ANKRD12: variants seen among roughly 807,000 people sequenced by gnomAD.
The protein encoded by ANKRD12 is ankyrin repeat domain 12, also known as ankyrin repeat domain-containing protein 12.
ANKRD12 carries 85 observed loss-of-function variants against 183.4 expected under a neutral mutation model. The observed-to-expected ratio is 0.46, with a 90% CI of 0.39 to 0.56. ANKRD12 has a LOEUF of 0.56. Among genes scored for constraint, ANKRD12 ranks in the 20% least tolerant of loss-of-function variants. The probability of loss-of-function intolerance (pLI) is 0.00; values close to 1 mark genes in which losing one functional copy is unlikely to be tolerated. For synonymous variants in ANKRD12, 914 were observed against 800.2 expected, an observed-to-expected ratio of 1.14 and a Z score of -2.40; for missense variants, 2,405 against 2,357.1, an observed-to-expected ratio of 1.02 and a Z score of -0.42.
intron 10 of ANKRD12, among the ~76,000 whole-genome samples, chr18:9,273,095 A>G (rs2039682733): frequency 6.6e-6 from 1 of 152,190 alleles, no homozygotes; most frequent in Non-Finnish European, 1.5e-5. Flanking sequence ...TTACTTCTCC[A>G]TGAAGTTCTA....
chr18:9,241,310 G>T (rs2037648557), intron 8 of ANKRD12, among the ~76,000 whole-genome samples: 1 of 152,218 alleles, frequency 6.6e-6, no homozygotes, highest in East Asian at 1.9e-4. Flanking sequence ...TATAATAAAA[G>T]ATTTTTCATT....
chr18:9,278,483 TGAA>T (rs1472372237), intron 11 of ANKRD12, among the ~76,000 whole-genome samples: 1 of 152,166 alleles, frequency 6.6e-6, no homozygotes, highest in Non-Finnish European at 1.5e-5. Flanking sequence ...GGGGCACCAA[TGAA>T]GAAATTATAA....
At chr18:9,261,691 G>T (rs769849242) in intron 9 of ANKRD12, among the ~76,000 whole-genome samples, 1 of 152,154 alleles carries the variant, frequency 6.6e-6, no homozygotes, top group Non-Finnish European at 1.5e-5. Flanking sequence ...ACCTAGAGTT[G>T]TCTGCAGATA....
Position 9,182,342 on chromosome 18 carries a change from A to G in ANKRD12, c.-51-40A>G, listed in dbSNP as rs1302266232. The G allele has an allele frequency of 5.2e-5, 13 of 252,310 alleles. No homozygotes were observed. The Admixed American group carries it at 8.7e-4, about 17-fold the overall frequency. 15.6% of individuals were successfully genotyped at this position (252,310 alleles called of 1,614,324 possible). A position where few individuals can be genotyped will look rare whatever the true frequency, so the allele number is the denominator to read the frequency against. ...CTAATTGTGGTGCGTAACCTATTGT[A>G]TATATATTCAAATAACCCTTATATA... On this transcript the variant is annotated intron_variant, in intron 1 of 12. Transcript: ENST00000262126.
intron 10 of ANKRD12, among the ~76,000 whole-genome samples, chr18:9,268,737 C>T (rs1047302341): frequency 6.6e-6 from 1 of 152,192 alleles, no homozygotes; most frequent in Non-Finnish European, 1.5e-5. Flanking sequence ...TCTCTCACCA[C>T]TCCTGTTCAA....
intron 8 of ANKRD12, among the ~76,000 whole-genome samples, chr18:9,252,493 A>G (rs552814562): frequency 6.6e-6 from 1 of 152,252 alleles, no homozygotes; most frequent in Non-Finnish European, 1.5e-5. Flanking sequence ...GTGTCAGGAT[A>G]ACTTATTTAT....
chr18:9,226,057 ATATAATG>A (rs2036688928), intron 8 of ANKRD12, among the ~76,000 whole-genome samples: 1 of 152,142 alleles, frequency 6.6e-6, no homozygotes, highest in African/African-American at 2.4e-5. Context: ...TAATTCTTAA[ATATAATG>A]TATATATGAG....
Position 9,281,050 on chromosome 18 carries a change from T to C in ANKRD12, c.6113T>C (p.Ile2038Thr). The C allele has an allele frequency of 1.9e-6, 3 of 1,614,126 alleles. No individual in the cohort carries two copies. Among genetic ancestry groups the C allele is most frequent in the Non-Finnish European group, 2.5e-6 (3 of 1,180,014 alleles). ...CTTGATCCTGCCACCTATAAATCTA[T>C]CAGCATTTACGAAATCCAGGAGTTT... Reference protein sequence around the residue: ...QELDPATYKSISIYEIQEFYV... With the variant: ...QELDPATYKSTSIYEIQEFYV... The change falls in exon 13 of 13, where the codon ATC (isoleucine) becomes ACC (threonine). Residue 2038 changes from isoleucine (I) to threonine (T), a missense_variant. Physicochemically the swap from Ile to Thr is moderately conservative, Grantham distance 89. Transcript: ENST00000262126.
chr18:9,153,231 T>C (rs1428186812), intron 1 of ANKRD12, among the ~76,000 whole-genome samples: 1 of 152,234 alleles, frequency 6.6e-6, no homozygotes, highest in Non-Finnish European at 1.5e-5. Flanking sequence ...TCTGAAAATA[T>C]TTTTCGTTAA....
intron 10 of ANKRD12, 43 bp from the exon 11 acceptor site, chr18:9,275,481 T>C (rs750457123): frequency 6.3e-7 from 1 of 1,580,592 alleles, no homozygotes; most frequent in South Asian, 1.1e-5. Context: ...TAAACAAAAA[T>C]TTGTTGAAGA....
At chr18:9,208,900 A>C in intron 5 of ANKRD12, 97 bp downstream of exon 5, 1 of 1,202,046 alleles carries the variant, frequency 8.3e-7, no homozygotes, top group Non-Finnish European at 1.1e-6. Context: ...TTTAATTTTT[A>C]TTCTTTCTTG....
intron 5 of ANKRD12, among the ~76,000 whole-genome samples, chr18:9,210,127 T>C (rs1213666071): frequency 2.6e-5 from 4 of 152,262 alleles, no homozygotes; most frequent in South Asian, 2.1e-4. Flanking sequence ...TGGAAAACTT[T>C]TGAAATATCA....
Position 9,256,267 on chromosome 18 carries a change from TAAAG to T in ANKRD12, c.3004_3007del (p.Glu1002LysfsTer7). 6.2e-7 allele frequency: 1 copy of T among 1,604,558 alleles called. No individual in the cohort carries two copies. The highest frequency in any genetic ancestry group is 8.5e-7 in the Non-Finnish European group (1 of 1,177,158). ...CACAACATGAAAAACCCTTATCCCT[TAAAG>T]AAAAAACAAAAGATGAACCTTTGAA... On this transcript the variant is annotated frameshift_variant, in exon 9 of 13. Transcript: ENST00000262126. LOFTEE classifies it high-confidence loss of function.
At chr18:9,175,388 GTT>G (rs1354348698) in intron 1 of ANKRD12, among the ~76,000 whole-genome samples, 1 of 152,010 alleles carries the variant, frequency 6.6e-6, no homozygotes, top group Non-Finnish European at 1.5e-5. Context: ...AATAGTCTGA[GTT>G]GTCTTTCTCT....
At chr18:9,177,207 A>G (rs140387220) in intron 1 of ANKRD12, among the ~76,000 whole-genome samples, 5 of 152,278 alleles carry the variant, frequency 3.3e-5, no homozygotes, top group African/African-American at 1.2e-4. Context: ...ATAGCCACCA[A>G]GATTGTTACA....
intron 9 of ANKRD12, 46 bp from the exon 10 acceptor site, chr18:9,263,744 G>T: frequency 1.5e-6 from 2 of 1,357,602 alleles, no homozygotes; most frequent in Admixed American, 2.5e-5. Context: ...GCCCATTATT[G>T]TAAATAAAAC....
chr18:9,223,259 C>CTTTTT (rs35340216), intron 8 of ANKRD12, among the ~76,000 whole-genome samples: 1 of 144,670 alleles, frequency 6.9e-6, no homozygotes, highest in African/African-American at 2.5e-5. Context: ...ACCTCTCTCT[C>CTTTTT]TTTTTTTTTT....
rs759021821 is a variant in ANKRD12, at chr18:9,258,785, T to C, written c.5518T>C (p.Leu1840=). ...SERANPYFEY[L]HIRKKIEEKR... ...GAGAGCAAATCCATATTTTGAATAC[T>C]TGCACATAAGGAAAAAAATAGAAGA... The change falls in exon 9 of 13, where the codon TTG becomes CTG. Residue 1840 remains leucine (L), a synonymous_variant. Coordinates refer to ENST00000262126, the MANE Select transcript of ANKRD12 (RefSeq NM_015208.5). 1.9e-6 allele frequency: 3 copies of C among 1,613,906 alleles called. No homozygotes were observed. Among genetic ancestry groups the C allele is most frequent in the East Asian group, 2.2e-5 (1 of 44,874 alleles).
At position 9,195,423 on chromosome 18, in the gene ANKRD12, G is replaced by A. The variant is rs887081157; in HGVS notation, c.88-128G>A. The A allele has an allele frequency of 3.6e-5, 18 of 504,912 alleles. No homozygotes were observed. In the Admixed American group the frequency reaches 4.8e-4, roughly 13 times the overall value. The allele number at this position is 504,912 out of a possible 1,614,324, so 31.3% of individuals were successfully genotyped here. A position where few individuals can be genotyped will look rare whatever the true frequency, so the allele number is the denominator to read the frequency against. On this transcript the variant is annotated intron_variant, in intron 2 of 12. Coordinates refer to ENST00000262126, the MANE Select transcript of ANKRD12 (RefSeq NM_015208.5). ...TGTACTTGTTGAAGCTGGGTCTTGA[G>A]TACATTGAATACAGTGATAGGTAAT...
Sources: gnomAD v4.1 joint callset for allele counts (sites outside exome capture counted in the v4.1 genomes callset) on GRCh38, gnomAD v4.1.1 for gene constraint, MANE v1.5 for transcripts, NCBI Gene and HGNC (gene_info 2026-07-23, HGNC 2026-07-21) for gene names.